Variants in FGF12 observed in about 807,000 individuals in gnomAD.
FGF12 encodes the protein fibroblast growth factor 12.
Under a neutral mutation model 23.6 loss-of-function variants are expected in FGF12, and 14 were observed. The ratio of observed to expected loss-of-function variants is 0.59; its 90% CI spans 0.39 to 0.93. The LOEUF (loss-of-function observed/expected upper bound fraction) is 0.93, where lower values mean the gene tolerates loss of function less well. FGF12 is among the 40% of genes least tolerant of loss of function. FGF12 has a pLI of 0.00. For missense variants in FGF12, 175 were observed against 217.8 expected (o/e 0.80, Z 1.24); for synonymous variants, 62 against 77.3 (o/e 0.80, Z 1.04).
At chr3:192,161,659 G>A (rs890862190) in intron 5 of FGF12, among the ~76,000 whole-genome samples, 6 of 152,140 alleles carry the variant, frequency 3.9e-5, no homozygotes, top group East Asian at 1.9e-4. Flanking sequence ...CATCTTTCTC[G>A]TGTTTAAAAT....
chr3:192,277,173 G>T (rs887856775), intron 4 of FGF12, among the ~76,000 whole-genome samples: 1 of 152,026 alleles, frequency 6.6e-6, no homozygotes, highest in Admixed American at 6.6e-5. Context: ...CTCTTAGCCC[G>T]TATACTCTCC....
rs59516417 is a variant in FGF12 at position 192,479,959 on chromosome 3, G to A, written c.14-119421C>T. ...GTGGCACAGATATGGGCCAGCCTGG[G>A]TTTGAAAGACAAAATTGGGATTGAG... is the stretch of plus-strand genomic sequence containing the variant. On this transcript the variant is annotated intron_variant, in intron 2 of 5. Coordinates refer to ENST00000445105, the MANE Select transcript of FGF12 (RefSeq NM_004113.6). Among the ~76,000 whole-genome samples the A allele has an allele frequency of 5.5e-3, 833 of 152,006 alleles. 9 individuals are homozygous for A. Among genetic ancestry groups the A allele is most frequent in the African/African-American group, 0.019 (795 of 41,464 alleles).
At chr3:192,628,442 TACACACAC>T (rs60991895) in intron 2 of FGF12, among the ~76,000 whole-genome samples, 18,608 of 134,878 alleles carry the variant, frequency 0.14, 1,686 homozygotes, top group East Asian at 0.5. Flanking sequence ...ACCAAAGGAA[TACACACAC>T]ACACACACAC....
chr3:192,212,400 A>G (rs938159651), intron 4 of FGF12, among the ~76,000 whole-genome samples: 4 of 147,476 alleles, frequency 2.7e-5, no homozygotes, highest in African/African-American at 1.1e-4. Flanking sequence ...TAGTTTCAGG[A>G]AAAAAAAATG....
At chr3:192,485,441 T>C (rs558248140) in intron 2 of FGF12, among the ~76,000 whole-genome samples, 1 of 152,320 alleles carries the variant, frequency 6.6e-6, no homozygotes, top group Non-Finnish European at 1.5e-5. Context: ...TTAGCAGGCA[T>C]ACGTCTTTCA....
intron 2 of FGF12, among the ~76,000 whole-genome samples, chr3:192,424,253 T>C (rs2108786015): frequency 6.6e-6 from 1 of 152,308 alleles, no homozygotes; most frequent in South Asian, 2.1e-4. Flanking sequence ...GTTTATTGCA[T>C]AGGAAAAGAG....
intron 4 of FGF12, among the ~76,000 whole-genome samples, chr3:192,217,158 GC>G (rs1459233755): frequency 6.6e-6 from 1 of 152,060 alleles, no homozygotes; most frequent in Non-Finnish European, 1.5e-5. Flanking sequence ...ACCACACAAG[GC>G]CTTAGTTTCC....
At chr3:192,444,095 G>A (rs1282929605) in intron 2 of FGF12, among the ~76,000 whole-genome samples, 1 of 152,076 alleles carries the variant, frequency 6.6e-6, no homozygotes, top group African/African-American at 2.4e-5. Context: ...GGACTTTAAC[G>A]AGTTGATTGT....
chr3:192,672,445 C>T (rs146231002), intron 2 of FGF12, among the ~76,000 whole-genome samples: 45 of 150,700 alleles, frequency 3.0e-4, no homozygotes, highest in African/African-American at 9.9e-4. Context: ...ATCCATGCAC[C>T]CATCTCTACT....
In FGF12 at chr3:192,143,661, G is replaced by A; in HGVS notation, c.*348C>T. On this transcript the variant is annotated 3_prime_UTR_variant, in exon 6 of 6. Transcript: ENST00000445105. ...AATTCTCCAAATCCTTTCCTTTAAA[G>A]TAATAAGTTTATTTCATCTTTATTA... is the stretch of plus-strand genomic sequence containing the variant. 1 of 176,772 alleles carries A rather than the reference G, an allele frequency of 5.7e-6. No individual in the cohort carries two copies. 11.0% of individuals were successfully genotyped at this position (176,772 alleles called of 1,614,324 possible). A position where few individuals can be genotyped will look rare whatever the true frequency, so the allele number is the denominator to read the frequency against.
chr3:192,415,401 C>T (rs1721317278), intron 2 of FGF12, among the ~76,000 whole-genome samples: 1 of 152,012 alleles, frequency 6.6e-6, no homozygotes. Flanking sequence ...TTGCACATAG[C>T]CAGATACTCA....
At chr3:192,528,167 C>G (rs1329496262) in intron 2 of FGF12, among the ~76,000 whole-genome samples, 1 of 152,204 alleles carries the variant, frequency 6.6e-6, no homozygotes. Flanking sequence ...AAAGTCTCAT[C>G]TGAGACAAGT....
intron 2 of FGF12, among the ~76,000 whole-genome samples, chr3:192,650,542 CATT>C (rs1289147616): frequency 1.3e-5 from 2 of 152,168 alleles, no homozygotes; most frequent in East Asian, 1.9e-4. Flanking sequence ...TTATTTATCT[CATT>C]GTTGAATTTA....
chr3:192,298,004 G>A lies in FGF12; in HGVS notation c.228+37357C>T, dbSNP rs190828864. On this transcript the variant is annotated intron_variant, in intron 4 of 5. Coordinates refer to ENST00000445105, the MANE Select transcript of FGF12 (RefSeq NM_004113.6). ...TAACACTGAGAAGGCATTTGTAACCGCTATTACAATATTAGACCATTAGCG... is the reference window on the plus strand; with the variant it reads ...TAACACTGAGAAGGCATTTGTAACCACTATTACAATATTAGACCATTAGCG... 8.9e-4 allele frequency among the ~76,000 whole-genome samples: 136 copies of A among 152,216 alleles called. 1 individual carries two copies. The highest frequency in any genetic ancestry group is 6.8e-3 in the Middle Eastern group (2 of 294).
At chr3:192,542,793 A>C (rs1725403611) in intron 2 of FGF12, among the ~76,000 whole-genome samples, 1 of 152,074 alleles carries the variant, frequency 6.6e-6, no homozygotes, top group Admixed American at 6.5e-5. Context: ...GTCTTGGATC[A>C]GATCTGGAAG....
At chr3:192,607,104 A>G (rs1714367458) in intron 2 of FGF12, among the ~76,000 whole-genome samples, 1 of 152,140 alleles carries the variant, frequency 6.6e-6, no homozygotes, top group African/African-American at 2.4e-5. Context: ...AACTTTTGAA[A>G]TGTTTTCACT....
intron 4 of FGF12, among the ~76,000 whole-genome samples, chr3:192,180,762 A>G (rs1012796601): frequency 6.6e-6 from 1 of 152,202 alleles, no homozygotes; most frequent in South Asian, 2.1e-4. Flanking sequence ...GATGTAAGCA[A>G]TTATAAAACT....
chr3:192,560,557 G>T (rs1471614779), intron 2 of FGF12, among the ~76,000 whole-genome samples: 2 of 152,056 alleles, frequency 1.3e-5, no homozygotes, highest in East Asian at 3.8e-4. Flanking sequence ...ACATGCCCTT[G>T]TGTTAGTATA....
chr3:192,327,457 T>C (rs1716878127), intron 4 of FGF12, among the ~76,000 whole-genome samples: 2 of 151,488 alleles, frequency 1.3e-5, no homozygotes, highest in Admixed American at 1.3e-4. Context: ...GTTTATCCTT[T>C]AGTTAAAAAA....
Sources: allele counts gnomAD v4.1 joint callset (sites outside exome capture counted in the v4.1 genomes callset), GRCh38; gene constraint gnomAD v4.1.1; transcripts MANE v1.5; gene names NCBI Gene and HGNC (gene_info 2026-07-23, HGNC 2026-07-21).